TMEM68: variants seen among roughly 807,000 people sequenced by gnomAD.
TMEM68 encodes the protein transmembrane protein 68.
Under a neutral mutation model 36.9 loss-of-function variants are expected in TMEM68, and 25 were observed. The ratio of observed to expected loss-of-function variants is 0.68; its 90% CI spans 0.49 to 0.95. The LOEUF (loss-of-function observed/expected upper bound fraction) is 0.95. Among genes scored for constraint, TMEM68 ranks in the 40% least tolerant of loss-of-function variants. The pLI, the probability that TMEM68 is intolerant of heterozygous loss-of-function variation, is 0.00. For missense variants in TMEM68, 333 were observed against 392.0 expected, an observed-to-expected ratio of 0.85 and a Z score of 1.27; for synonymous variants, 131 against 124.4, an observed-to-expected ratio of 1.05 and a Z score of -0.35.
chr8:55,754,040 C>T (rs531185194), intron 4 of TMEM68, among the ~76,000 whole-genome samples: 8 of 151,732 alleles, frequency 5.3e-5, no homozygotes, highest in South Asian at 2.1e-4. Context: ...TGCAGTGAGT[C>T]GCGATCGCAC....
intron 2 of TMEM68, chr8:55,763,274 G>C (rs1178718368): frequency 5.3e-6 from 1 of 187,576 alleles, no homozygotes; most frequent in African/African-American, 2.4e-5. Context: ...CTATAATTAA[G>C]AGAAGAAAAT....
chr8:55,749,466 C>T (rs10958467), intron 5 of TMEM68, among the ~76,000 whole-genome samples: 130,435 of 152,036 alleles, frequency 0.86, 56,128 homozygotes, highest in East Asian at 0.99. Context: ...TACAACTATA[C>T]ATATATACAC....
chr8:55,763,003 G>A lies in TMEM68; in HGVS notation c.-44C>T. On this transcript the variant is annotated 5_prime_UTR_variant, in exon 3 of 8. Transcript: ENST00000434581. ...GACAAATTCAGTTTCTTTCTTCATTGCCATAGCAGGTCGCTAATTTTGACA... is the reference window on the plus strand; with the variant it reads ...GACAAATTCAGTTTCTTTCTTCATTACCATAGCAGGTCGCTAATTTTGACA... The A allele has an allele frequency of 6.5e-7, 1 of 1,533,602 alleles. No homozygotes were observed. Among genetic ancestry groups the A allele is most frequent in the South Asian group, 1.3e-5 (1 of 77,396 alleles). 95.0% of individuals were successfully genotyped at this position (1,533,602 alleles called of 1,614,324 possible). A position where few individuals can be genotyped will look rare whatever the true frequency, so the allele number is the denominator to read the frequency against.
In TMEM68 at chr8:55,739,036, G is replaced by C. The variant is rs1406425355; in HGVS notation, c.*1096C>G. 1 of 152,618 alleles carries C rather than the reference G, an allele frequency of 6.6e-6. No homozygotes were observed. The highest frequency in any genetic ancestry group is 2.4e-5 in the African/African-American group (1 of 41,428). 9.5% of individuals were successfully genotyped at this position (152,618 alleles called of 1,614,324 possible). A position where few individuals can be genotyped will look rare whatever the true frequency, so the allele number is the denominator to read the frequency against. The stretch of plus-strand genomic sequence containing the variant: ...TCACACCTGTAATCCCAGCAAGTTG[G>C]GAGGCTGAGGCAGGTGGATCACCTG... On this transcript the variant is annotated 3_prime_UTR_variant, in exon 8 of 8. Transcript: ENST00000434581.
At chr8:55,750,390 A>G (rs1810394941) in intron 5 of TMEM68, among the ~76,000 whole-genome samples, 1 of 152,236 alleles carries the variant, frequency 6.6e-6, no homozygotes, top group African/African-American at 2.4e-5. Flanking sequence ...TCTGACAATC[A>G]GAATTAAAAT....
intron 1 of TMEM68, among the ~76,000 whole-genome samples, chr8:55,770,865 A>G (rs1811132752): frequency 6.6e-6 from 1 of 152,204 alleles, no homozygotes; most frequent in Admixed American, 6.5e-5. Context: ...TGTAAAAACA[A>G]GTAGACAAGG....
intron 6 of TMEM68, 82 bp from the exon 7 acceptor site, chr8:55,743,702 G>C: frequency 7.7e-7 from 1 of 1,304,478 alleles, no homozygotes; most frequent in Non-Finnish European, 1.0e-6. Context: ...AATTATGTAG[G>C]ACTTACAGGA....
chr8:55,752,220 C>T (rs941647909), intron 4 of TMEM68, among the ~76,000 whole-genome samples: 1 of 148,970 alleles, frequency 6.7e-6, no homozygotes. Context: ...AGAAAAAAAA[C>T]AAAAAACACT....
rs764770482 is a variant in TMEM68, at chr8:55,762,861, C to G, written c.99G>C (p.Gln33His). 6.2e-6 allele frequency: 10 copies of G among 1,614,070 alleles called. No homozygotes were observed. Among genetic ancestry groups the G allele is most frequent in the Middle Eastern group, 1.6e-4 (1 of 6,084 alleles). Residue 33 changes from glutamine (Q) to histidine (H), a missense_variant, in exon 3 of 8, where the codon CAG becomes CAC. Transcript: ENST00000434581. ...HILEEWFGVEQLEDYLNFANY... is the reference protein window; with the variant it reads ...HILEEWFGVEHLEDYLNFANY... ...TTGCAAAATTCAAATAGTCCTCCAA[C>G]TGCTCCACACCAAACCATTCTTCGA...
intron 3 of TMEM68, 63 bp from the exon 4 acceptor site, chr8:55,756,474 T>C (rs1810612684): frequency 7.0e-7 from 1 of 1,426,802 alleles, no homozygotes; most frequent in African/African-American, 1.5e-5. Context: ...CAGTAAAGGA[T>C]GGTTGGTAGC....
rs142928108 is a variant in TMEM68, at chr8:55,772,383, T to C, written c.-115+886A>G. 2.2e-4 allele frequency among the ~76,000 whole-genome samples: 33 copies of C among 152,316 alleles called. No individual in the cohort carries two copies. The East Asian group carries it at 6.2e-3, about 28-fold the overall frequency. On this transcript the variant is annotated intron_variant, in intron 1 of 7. Transcript: ENST00000434581. ...AAGTCTGAGCTTGTCTCTGAAGAAG[T>C]TGCCCGTGCAGCCTCCATGAATACC...
intron 7 of TMEM68, 128 bp downstream of exon 7, chr8:55,743,353 A>G (rs925794238): frequency 3.6e-5 from 44 of 1,217,528 alleles, no homozygotes; most frequent in East Asian, 3.4e-4. Flanking sequence ...AGGGTATACA[A>G]TCACCTCTGG....
intron 5 of TMEM68, among the ~76,000 whole-genome samples, chr8:55,749,538 G>C (rs957110629): frequency 7.2e-5 from 11 of 152,104 alleles, no homozygotes; most frequent in African/African-American, 2.7e-4. Context: ...TTAGACGTCA[G>C]CAGACTCACT....
intron 5 of TMEM68, chr8:55,747,318 C>T (rs28528186): frequency 0.23 from 35,646 of 152,034 alleles, 4,178 homozygotes; most frequent in East Asian, 0.3. Context: ...GCAGAGATCA[C>T]GCCATTGCAC....
intron 1 of TMEM68, among the ~76,000 whole-genome samples, chr8:55,770,163 T>C (rs936537000): frequency 6.6e-6 from 1 of 152,172 alleles, no homozygotes; most frequent in South Asian, 2.1e-4. Context: ...ACTAAATTAA[T>C]TCAGTAAAAG....
At chr8:55,771,249 C>A (rs6982702) in intron 1 of TMEM68, among the ~76,000 whole-genome samples, 1 of 152,036 alleles carries the variant, frequency 6.6e-6, no homozygotes, top group Non-Finnish European at 1.5e-5. Flanking sequence ...CAGAGTATTT[C>A]AAAAACTAAT....
At chr8:55,754,670 A>C (rs1810527643) in intron 4 of TMEM68, among the ~76,000 whole-genome samples, 1 of 106,238 alleles carries the variant, frequency 9.4e-6, no homozygotes, top group South Asian at 2.9e-4. Context: ...TAAAATACAT[A>C]TATTATGTAA....
At chr8:55,754,332 C>T (rs975157651) in intron 4 of TMEM68, among the ~76,000 whole-genome samples, 2 of 150,086 alleles carry the variant, frequency 1.3e-5, no homozygotes, top group Non-Finnish European at 3.0e-5. Context: ...GGCTGAGGTA[C>T]AAGAATCGGT....
At chr8:55,741,650 T>C (rs924049788) in intron 7 of TMEM68, among the ~76,000 whole-genome samples, 3 of 152,170 alleles carry the variant, frequency 2.0e-5, no homozygotes, top group Non-Finnish European at 4.4e-5. Flanking sequence ...GGGTATTGTT[T>C]GGTGCGGGTC....
Sources: allele counts gnomAD v4.1 joint callset (sites outside exome capture counted in the v4.1 genomes callset), GRCh38; gene constraint gnomAD v4.1.1; transcripts MANE v1.5; gene names NCBI Gene and HGNC (gene_info 2026-07-23, HGNC 2026-07-21).